TERF1: variants seen among roughly 807,000 people sequenced by gnomAD.
TERF1 encodes the protein telomeric repeat binding factor 1.
Under a neutral mutation model 55.1 loss-of-function variants are expected in TERF1, and 20 were observed. That is an observed-to-expected ratio of 0.36 (90% confidence interval 0.26 to 0.53). The LOEUF (loss-of-function observed/expected upper bound fraction) is 0.53. Among genes scored for constraint, TERF1 ranks in the 20% least tolerant of loss-of-function variants. The probability of loss-of-function intolerance (pLI) is 0.91; values close to 1 mark genes in which losing one functional copy is unlikely to be tolerated. For synonymous variants in TERF1, 168 were observed against 181.2 expected (o/e 0.93, Z 0.59); for missense variants, 439 against 535.7 (o/e 0.82, Z 1.78).
At chr8:73,033,510 G>T (rs1809380367) in intron 8 of TERF1, among the ~76,000 whole-genome samples, 1 of 152,190 alleles carries the variant, frequency 6.6e-6, no homozygotes, top group African/African-American at 2.4e-5. Flanking sequence ...CAGGTGGATT[G>T]CCTGAAGAGC....
At chr8:73,045,072 C>G (rs975270243) in intron 9 of TERF1, among the ~76,000 whole-genome samples, 4 of 151,998 alleles carry the variant, frequency 2.6e-5, no homozygotes, top group Admixed American at 2.6e-4. Context: ...ATATGGTAGT[C>G]CTTTTAAAAA....
At position 73,041,256 on chromosome 8, in the gene TERF1, C is replaced by T. The variant is rs56097757; in HGVS notation, c.1143+2037C>T. On this transcript the variant is annotated intron_variant, in intron 9 of 9. Transcript: ENST00000276603. ...TTATGTTTATCTGTCTAGGAGTTAC[C>T]GTTTGTAGCTGTAGGTGTCAAAGGC... 5.9e-3 allele frequency among the ~76,000 whole-genome samples: 900 copies of T among 151,964 alleles called. 6 individuals carry two copies. Among genetic ancestry groups the T allele is most frequent in the African/African-American group, 0.021 (851 of 41,490 alleles).
intron 4 of TERF1, among the ~76,000 whole-genome samples, chr8:73,023,695 C>T (rs1808864531): frequency 6.6e-6 from 1 of 152,128 alleles, no homozygotes; most frequent in Non-Finnish European, 1.5e-5. Flanking sequence ...AAGTACTTGA[C>T]CTCACTAGTA....
At chr8:73,045,543 C>T (rs2129934461) in intron 9 of TERF1, among the ~76,000 whole-genome samples, 1 of 152,124 alleles carries the variant, frequency 6.6e-6, no homozygotes, top group African/African-American at 2.4e-5. Context: ...GTAATACTTC[C>T]CCTACCATAG....
chr8:73,026,807 C>T lies in TERF1; in HGVS notation c.775-133C>T, dbSNP rs200041473. On this transcript the variant is annotated intron_variant, in intron 5 of 9. Coordinates refer to ENST00000276603, the MANE Select transcript of TERF1 (RefSeq NM_017489.3). ...TATTGGTGAAAATAACAACACAGTG[C>T]CCTTCATTGGCCTGTGAACAGATAC... The T allele has an allele frequency of 2.4e-4, 157 of 665,070 alleles. 1 individual carries two copies. In the East Asian group the frequency reaches 4.4e-3, roughly 19 times the overall value. The allele number at this position is 665,070 out of a possible 1,614,324, so 41.2% of individuals were successfully genotyped here.
intron 8 of TERF1, among the ~76,000 whole-genome samples, chr8:73,036,384 A>G (rs1260202488): frequency 1.3e-5 from 2 of 152,220 alleles, no homozygotes; most frequent in Admixed American, 6.5e-5. Context: ...ACCTGTCTTA[A>G]CACATAATTT....
chr8:73,039,770 GGTGTGT>G (rs35184446), intron 9 of TERF1, among the ~76,000 whole-genome samples: 15,053 of 136,356 alleles, frequency 0.11, 819 homozygotes, highest in Middle Eastern at 0.14. Flanking sequence ...TTGTTTTTGT[GGTGTGT>G]GTGTGTGTGT....
chr8:73,024,685 A>G (rs1410911979), intron 4 of TERF1, 137 bp from the exon 5 acceptor site: 1 of 651,356 alleles, frequency 1.5e-6, no homozygotes, highest in African/African-American at 1.9e-5. Flanking sequence ...CATGCCATTT[A>G]AAACTTAATT....
chr8:73,045,911 C>A, intron 9 of TERF1, 50 bp from the exon 10 acceptor site: 1 of 1,394,366 alleles, frequency 7.2e-7, no homozygotes. Flanking sequence ...TAGGTATTTT[C>A]TTTTTGAATA....
intron 6 of TERF1, among the ~76,000 whole-genome samples, chr8:73,028,362 G>A (rs1165477554): frequency 1.3e-5 from 2 of 151,908 alleles, no homozygotes; most frequent in Non-Finnish European, 2.9e-5. Flanking sequence ...CCAAGTATTA[G>A]GAACCGCACC....
intron 8 of TERF1, among the ~76,000 whole-genome samples, chr8:73,038,315 A>T (rs544057695): frequency 1.3e-5 from 2 of 152,062 alleles, no homozygotes; most frequent in East Asian, 3.9e-4. Context: ...TTAGTCGGGC[A>T]TGGCGGCCGG....
At chr8:73,017,754 G>A (rs1426801562) in intron 2 of TERF1, among the ~76,000 whole-genome samples, 1 of 150,470 alleles carries the variant, frequency 6.6e-6, no homozygotes, top group East Asian at 2.0e-4. Flanking sequence ...CCAGGCTGGA[G>A]TACAGTGACG....
chr8:73,043,157 C>T (rs908411962), intron 9 of TERF1: 1 of 152,150 alleles, frequency 6.6e-6, no homozygotes, highest in African/African-American at 2.4e-5. Context: ...GACTACTAGG[C>T]CACTTGAACC....
chr8:73,017,367 G>C (rs1808555344), intron 2 of TERF1, among the ~76,000 whole-genome samples: 1 of 152,148 alleles, frequency 6.6e-6, no homozygotes. Context: ...TGTACTACTT[G>C]CTTGGTGTGT....
chr8:73,010,366 T>C (rs1003849102), intron 1 of TERF1: 13 of 152,180 alleles, frequency 8.5e-5, no homozygotes, highest in Non-Finnish European at 5.9e-5. Flanking sequence ...AGTAGAAAAT[T>C]AAATCCTGGA....
At position 73,038,106 on chromosome 8, in the gene TERF1, A is replaced by T. The variant is rs1221545652; in HGVS notation, c.1040-1010A>T. On this transcript the variant is annotated intron_variant, in intron 8 of 9. Coordinates refer to ENST00000276603, the MANE Select transcript of TERF1 (RefSeq NM_017489.3). ...GCTTCTCATAACATGTTTTATATAC[A>T]TAGTAAAGCTTTATAATTTACTACA... Among the ~76,000 whole-genome samples the T allele has an allele frequency of 2.0e-5, 3 of 150,984 alleles. No individual in the cohort carries two copies. The Admixed American group carries it at 2.0e-4, about 10-fold the overall frequency.
chr8:73,009,320 T>C, intron 1 of TERF1, 115 bp downstream of exon 1: 1 of 349,032 alleles, frequency 2.9e-6, no homozygotes, highest in Non-Finnish European at 4.6e-6. Context: ...TGCGGCCGAT[T>C]AGCTGGGAGT....
At position 73,047,736 on chromosome 8, in the gene TERF1, G is replaced by T. The variant is rs1467268288; in HGVS notation, c.*1599G>T. On this transcript the variant is annotated 3_prime_UTR_variant, in exon 10 of 10. Coordinates refer to ENST00000276603, the MANE Select transcript of TERF1 (RefSeq NM_017489.3). ...TTATCCTATATATAAACAGAAACAT[G>T]GATGAGTACCATATACTTCCTGACT... is the stretch of plus-strand genomic sequence containing the variant. 2 of 152,158 alleles carry T rather than the reference G, an allele frequency of 1.3e-5. No individual in the cohort carries two copies. Among genetic ancestry groups the T allele is most frequent in the African/African-American group, 4.8e-5 (2 of 41,454 alleles). 9.4% of individuals were successfully genotyped at this position (152,158 alleles called of 1,614,324 possible).
intron 8 of TERF1, among the ~76,000 whole-genome samples, chr8:73,037,263 A>C (rs1392831176): frequency 7.3e-6 from 1 of 137,646 alleles, no homozygotes; most frequent in African/African-American, 2.7e-5. Context: ...TTTACTATGT[A>C]TATAAAACAT....
Sources: gnomAD v4.1 joint callset for allele counts (sites outside exome capture counted in the v4.1 genomes callset) on GRCh38, gnomAD v4.1.1 for gene constraint, MANE v1.5 for transcripts, NCBI Gene and HGNC (gene_info 2026-07-23, HGNC 2026-07-21) for gene names.